The following HABP2 variants were observed in gnomAD, a reference collection of about 807,000 sequenced individuals.
HABP2 encodes factor VII-activating protease.
In HABP2, 65 loss-of-function variants were observed where a neutral mutation model predicts 66.5. The ratio of observed to expected loss-of-function variants is 0.98; its 90% confidence interval spans 0.80 to 1.20. The LOEUF (loss-of-function observed/expected upper bound fraction) is 1.20, where lower values mean the gene tolerates loss of function less well. HABP2 is among the 50% of genes most tolerant of loss of function. HABP2 has a pLI of 0.00. For missense variants in HABP2, 786 were observed against 691.0 expected (o/e 1.14, Z -1.54); for synonymous variants, 263 against 253.9 (o/e 1.04, Z -0.34).
At chr10:113,585,235 A>C (rs549305928) in intron 11 of HABP2, among the ~76,000 whole-genome samples, 1 of 152,330 alleles carries the variant, frequency 6.6e-6, no homozygotes, top group Admixed American at 6.5e-5. Flanking sequence ...TCTGGTCAGC[A>C]TGGTGATGTC....
rs529346597 is a variant in HABP2 at position 113,578,699 on chromosome 10, C to T, written c.641C>T (p.Ala214Val). 25 of 1,604,466 alleles carry T rather than the reference C, an allele frequency of 1.6e-5. No individual in the cohort carries two copies. Among genetic ancestry groups the T allele is most frequent in the South Asian group, 7.7e-5 (7 of 90,864 alleles). ...ATGAATAGGACAGTCAACCAGCATG[C>T]GTGCCTTTACTGGAACTCCCACCTC... Reference protein sequence around the residue: ...GKMNRTVNQHACLYWNSHLLL... With the variant: ...GKMNRTVNQHVCLYWNSHLLL... Residue 214 changes from alanine to valine, a missense_variant, in exon 7 of 13, where the codon GCG becomes GTG. Coordinates refer to ENST00000351270, the MANE Select transcript of HABP2 (RefSeq NM_004132.5).
At position 113,581,948 on chromosome 10, in the gene HABP2, C is replaced by A. The variant is rs1845542221; in HGVS notation, c.911C>A (p.Thr304Asn). The change falls in exon 9 of 13, where the codon ACT becomes AAT. Residue 304 changes from threonine (T) to asparagine (N), a missense_variant. Thr to Asn is a moderately conservative substitution (Grantham distance 65). Coordinates refer to ENST00000351270, the MANE Select transcript of HABP2 (RefSeq NM_004132.5). ...CCGGGGTTTGACTCCTGTGGAAAGA[C>A]TGAGATAGCAGAGAGGAAGATCAAG... ...KLPGFDSCGK[T>N]EIAERKIKRI... is the part of the protein sequence containing the mutation. 6.2e-7 allele frequency: 1 copy of A among 1,614,028 alleles called. No individual in the cohort carries two copies. The highest frequency in any genetic ancestry group is 1.3e-5 in the African/African-American group (1 of 74,936).
At chr10:113,580,058 G>T (rs1166493206) in intron 7 of HABP2, among the ~76,000 whole-genome samples, 1 of 151,782 alleles carries the variant, frequency 6.6e-6, no homozygotes, top group Non-Finnish European at 1.5e-5. Context: ...GGGATTACAG[G>T]CATGAGCCAC....
At chr10:113,554,181 C>T (rs1274311487) in intron 1 of HABP2, among the ~76,000 whole-genome samples, 1 of 152,182 alleles carries the variant, frequency 6.6e-6, no homozygotes, top group African/African-American at 2.4e-5. Flanking sequence ...AATGTGAGCT[C>T]TACTCCCTTA....
intron 3 of HABP2, among the ~76,000 whole-genome samples, chr10:113,575,460 T>A (rs759367286): frequency 6.6e-6 from 1 of 152,020 alleles, no homozygotes; most frequent in Non-Finnish European, 1.5e-5. Context: ...TCATTAGGGG[T>A]GGGTTTTCTT....
Position 113,553,101 on chromosome 10 carries a change from ACAAGTCCTTAAACTG to A in HABP2, c.-17_-3del. 1 of 1,601,400 alleles carries A rather than the reference ACAAGTCCTTAAACTG, an allele frequency of 6.2e-7. No individual in the cohort carries two copies. The highest frequency in any genetic ancestry group is 8.6e-7 in the Non-Finnish European group (1 of 1,168,506). On this transcript the variant is annotated 5_prime_UTR_variant, in exon 1 of 13. Transcript: ENST00000351270. ...AAAGAAATTTTATTGAGAGGAAAAC[ACAAGTCCTTAAACTG>A]CAAAGATGTTTGCCAGGATGTCTGA...
Position 113,588,976 on chromosome 10 carries a change from C to T in HABP2, c.*607C>T. ...CTCAGGAATCAGGGTGGACATGGCT[C>T]ACAACAGCAGGGCCTTCTTCTTTTT... On this transcript the variant is annotated 3_prime_UTR_variant, in exon 13 of 13. Transcript: ENST00000351270. 1 of 1,612,400 alleles carries T rather than the reference C, an allele frequency of 6.2e-7. No homozygotes were observed. The highest frequency in any genetic ancestry group is 8.5e-7 in the Non-Finnish European group (1 of 1,178,552).
intron 7 of HABP2, among the ~76,000 whole-genome samples, chr10:113,579,383 T>C (rs1420938503): frequency 6.6e-6 from 1 of 152,210 alleles, no homozygotes; most frequent in African/African-American, 2.4e-5. Flanking sequence ...AAGAAGAGAC[T>C]GGGAAATGAA....
chr10:113,565,136 G>A (rs1007126731), intron 1 of HABP2, among the ~76,000 whole-genome samples: 7 of 152,186 alleles, frequency 4.6e-5, no homozygotes, highest in Non-Finnish European at 7.3e-5. Context: ...GAGCCACCAC[G>A]CCCAGCCAGC....
intron 1 of HABP2, among the ~76,000 whole-genome samples, chr10:113,561,185 A>C (rs1845093839): frequency 6.6e-6 from 1 of 152,234 alleles, no homozygotes; most frequent in East Asian, 1.9e-4. Context: ...TTACAGTGTA[A>C]TCTTCTTGGG....
At chr10:113,585,990 A>T in intron 12 of HABP2, 52 bp downstream of exon 12, 1 of 1,547,528 alleles carries the variant, frequency 6.5e-7, no homozygotes, top group South Asian at 1.1e-5. Context: ...AGGATGTTTC[A>T]CTAGGCAGAG....
chr10:113,587,125 G>C (rs1027799389), intron 12 of HABP2, among the ~76,000 whole-genome samples: 25 of 152,302 alleles, frequency 1.6e-4, no homozygotes, highest in Admixed American at 1.2e-3. Flanking sequence ...GATCAGCCTA[G>C]CCAACATGGT....
intron 1 of HABP2, among the ~76,000 whole-genome samples, chr10:113,558,678 G>C (rs1845045011): frequency 6.6e-6 from 1 of 152,224 alleles, no homozygotes; most frequent in Admixed American, 6.5e-5. Flanking sequence ...GCCACGGAAA[G>C]CGCAGGAGTG....
At position 113,588,449 on chromosome 10, in the gene HABP2, T is replaced by A; in HGVS notation, c.*80T>A. The A allele has an allele frequency of 1.9e-6, 2 of 1,037,804 alleles. No homozygotes were observed. Among genetic ancestry groups the A allele is most frequent in the Non-Finnish European group, 2.8e-6 (2 of 706,756 alleles). 64.3% of individuals were successfully genotyped at this position (1,037,804 alleles called of 1,614,324 possible). A position where few individuals can be genotyped will look rare whatever the true frequency, so the allele number is the denominator to read the frequency against. On this transcript the variant is annotated 3_prime_UTR_variant, in exon 13 of 13. Coordinates refer to ENST00000351270, the MANE Select transcript of HABP2 (RefSeq NM_004132.5). ...GGCCTCATGGCCAACAATGGACACC[T>A]CCAGAGCCTCCAGGGGACCACACAG...
Position 113,572,190 on chromosome 10 carries a change from A to G in HABP2, c.107-2099A>G, listed in dbSNP as rs4483524. 3.7e-3 allele frequency among the ~76,000 whole-genome samples: 569 copies of G among 152,354 alleles called. 1 individual carries two copies. The highest frequency in any genetic ancestry group is 0.012 in the African/African-American group (519 of 41,594). ...ATAGGAAGCCTTTCTTAGCAGCAAT[A>G]TGATTCAAAGCCTATGTATTTTATT... On this transcript the variant is annotated intron_variant, in intron 2 of 12. Transcript: ENST00000351270.
At chr10:113,551,478 A>T (rs1392810436), upstream of HABP2, among the ~76,000 whole-genome samples, 1 of 152,164 alleles carries the variant, frequency 6.6e-6, no homozygotes, top group East Asian at 1.9e-4. Flanking sequence ...GATTAGGGGA[A>T]GGACAGAGTA....
chr10:113,583,483 G>A (rs944091129), intron 10 of HABP2, 125 bp downstream of exon 10: 35 of 770,800 alleles, frequency 4.5e-5, no homozygotes, highest in South Asian at 2.2e-4. Flanking sequence ...GACCCTGTGC[G>A]GTAGGGAATG....
chr10:113,580,405 A>G (rs1427434181), intron 7 of HABP2, among the ~76,000 whole-genome samples, 190 bp from the exon 8 acceptor site: 1 of 152,198 alleles, frequency 6.6e-6, no homozygotes, highest in Non-Finnish European at 1.5e-5. Flanking sequence ...CTCTAGAAGA[A>G]AAGATTTTGC....
At chr10:113,579,508 A>T (rs1472298326) in intron 7 of HABP2, among the ~76,000 whole-genome samples, 2 of 152,254 alleles carry the variant, frequency 1.3e-5, no homozygotes, top group Non-Finnish European at 2.9e-5. Flanking sequence ...GATGGAGAAG[A>T]GCAAGTGGAA....
Sources: gnomAD v4.1 joint callset for allele counts (sites outside exome capture counted in the v4.1 genomes callset) on GRCh38, gnomAD v4.1.1 for gene constraint, MANE v1.5 for transcripts, NCBI Gene and HGNC (gene_info 2026-07-23, HGNC 2026-07-21) for gene names.